MYH15: variants seen among roughly 807,000 people sequenced by gnomAD.
MYH15 encodes the protein myosin heavy chain 15, also known as myosin-15.
A neutral mutation model predicts 240.5 loss-of-function variants in MYH15; 227 were observed. The observed-to-expected ratio is 0.94, with a 90% CI of 0.85 to 1.05. MYH15 has a LOEUF of 1.05. MYH15 is among the 50% of genes least tolerant of loss of function. MYH15 has a pLI of 0.00. For synonymous variants in MYH15, 785 were observed against 796.7 expected, an observed-to-expected ratio of 0.99 and a Z score of 0.25; for missense variants, 2,217 against 2,247.5, an observed-to-expected ratio of 0.99 and a Z score of 0.27.
At chr3:108,429,339 A>T (rs1426487344) in intron 26 of MYH15, among the ~76,000 whole-genome samples, 1 of 152,232 alleles carries the variant, frequency 6.6e-6, no homozygotes, top group African/African-American at 2.4e-5. Context: ...AAGCAATTTA[A>T]TTGTAAGAAA....
the MYH15 span, among the ~76,000 whole-genome samples, chr3:108,547,745 A>G: frequency 6.6e-6 from 1 of 152,180 alleles, no homozygotes; most frequent in African/African-American, 2.4e-5. Flanking sequence ...AAAATGTTCA[A>G]TTTTCTACCT....
At chr3:108,493,719 A>G (rs1308906497) in intron 7 of MYH15, among the ~76,000 whole-genome samples, 5 of 152,192 alleles carry the variant, frequency 3.3e-5, no homozygotes, top group African/African-American at 9.7e-5. Flanking sequence ...AAAAGCCAAT[A>G]TCTTAGAATT....
rs1265973860 is a variant in MYH15 at position 108,398,639 on chromosome 3, G to T, written c.5131C>A (p.Gln1711Lys). 6.2e-7 allele frequency: 1 copy of T among 1,612,708 alleles called. No individual in the cohort carries two copies. Among genetic ancestry groups the T allele is most frequent in the Non-Finnish European group, 8.5e-7 (1 of 1,179,992 alleles). The change falls in exon 35 of 41, where the codon CAG becomes AAG. Residue 1711 changes from glutamine to lysine, a missense_variant and splice_region_variant. By Grantham distance (53) the Gln-to-Lys change is moderately conservative. Coordinates refer to ENST00000693548, the MANE Select transcript of MYH15 (RefSeq NM_014981.3). ...ATERINLFYT[Q>K]NTSLLSQKKK... ...TAGGGAGAGTATATGGGCCCCACCT[G>T]GGTATAGAAAAGATTGATTCTTTCT...
At position 108,428,486 on chromosome 3, in the gene MYH15, A is replaced by G. The variant is rs113330737; in HGVS notation, c.3702+6T>C. On this transcript the variant is annotated splice_donor_region_variant and intron_variant, in intron 27 of 40. Transcript: ENST00000693548. ...AAGACCACGAGGATGGCATGGGAGT[A>G]TCTACCTTAGCTCTTGTCATCTGCT... 3.8e-4 allele frequency: 615 copies of G among 1,601,670 alleles called. 8 individuals carry two copies. The African/African-American group carries it at 6.7e-3, about 17-fold the overall frequency.
chr3:108,395,244 G>A (rs2082451185), intron 35 of MYH15, among the ~76,000 whole-genome samples: 1 of 152,180 alleles, frequency 6.6e-6, no homozygotes, highest in Admixed American at 6.5e-5. Context: ...ACTCCAACCT[G>A]AGTGACAGAG....
Position 108,399,015 on chromosome 3 carries a change from G to A in MYH15, c.4929+60C>T. The A allele has an allele frequency of 2.0e-6, 3 of 1,537,730 alleles. No individual in the cohort carries two copies. The South Asian group carries it at 3.6e-5, about 18-fold the overall frequency. ...CTGAACACAATCTGTTGCTTAGTTT[G>A]CTTCCATAAGCAGAAACATTTTCCA... is the stretch of plus-strand genomic sequence containing the variant. On this transcript the variant is annotated intron_variant, in intron 34 of 40. Coordinates refer to ENST00000693548, the MANE Select transcript of MYH15 (RefSeq NM_014981.3).
Position 108,391,799 on chromosome 3 carries a change from C to G in MYH15, c.5391G>C (p.Leu1797=). 6.2e-7 allele frequency: 1 copy of G among 1,614,094 alleles called. No homozygotes were observed. Among genetic ancestry groups the G allele is most frequent in the Non-Finnish European group, 8.5e-7 (1 of 1,179,986 alleles). Reference sequence around the variant, plus strand: ...TCTGGATTTGCTTTCTACTCCCCATCAGGGCCATCTGTTCAGCTTCAGCCA... The same window carrying G: ...TCTGGATTTGCTTTCTACTCCCCATGAGGGCCATCTGTTCAGCTTCAGCCA... The part of the protein sequence containing the change: ...KRLAEAEQMA[L]MGSRKQIQKL... The change falls in exon 37 of 41, where the codon CTG becomes CTC. Residue 1797 remains leucine (L), a synonymous_variant. Coordinates refer to ENST00000693548, the MANE Select transcript of MYH15 (RefSeq NM_014981.3).
rs1010283459 is a variant in MYH15, at chr3:108,383,813, T to C, written c.5632-84A>G. On this transcript the variant is annotated intron_variant, in intron 39 of 40. Transcript: ENST00000693548. ...TTTTTCTGCTCTGACATGAGAAAGT[T>C]GAATAATGTGAAAAGAATCTAAACT... 1.8e-5 allele frequency: 20 copies of C among 1,082,016 alleles called. No homozygotes were observed. The African/African-American group carries it at 2.6e-4, about 14-fold the overall frequency. The allele number at this position is 1,082,016 out of a possible 1,614,324, so 67.0% of individuals were successfully genotyped here.
chr3:108,465,353 T>C (rs559652862), intron 14 of MYH15, among the ~76,000 whole-genome samples: 15 of 152,264 alleles, frequency 9.9e-5, no homozygotes, highest in Non-Finnish European at 1.8e-4. Context: ...CAGAGGCCAG[T>C]GTGGGCAGAG....
intron 32 of MYH15, among the ~76,000 whole-genome samples, chr3:108,407,280 C>T (rs1253659999): frequency 1.3e-5 from 2 of 152,180 alleles, no homozygotes; most frequent in Admixed American, 6.5e-5. Context: ...TGTTTTCCAT[C>T]GCCATACCTT....
chr3:108,413,159 A>T (rs2082607606), intron 30 of MYH15, among the ~76,000 whole-genome samples: 1 of 152,228 alleles, frequency 6.6e-6, no homozygotes, highest in Non-Finnish European at 1.5e-5. Flanking sequence ...GAAGGGGGAA[A>T]AATCTTACTT....
intron 11 of MYH15, among the ~76,000 whole-genome samples, 190 bp from the exon 12 acceptor site, chr3:108,476,705 C>T (rs942710102): frequency 6.6e-6 from 1 of 152,130 alleles, no homozygotes; most frequent in African/African-American, 2.4e-5. Flanking sequence ...CTTCGAAATA[C>T]AAGTCAAAGC....
intron 38 of MYH15, among the ~76,000 whole-genome samples, chr3:108,385,558 G>A (rs1283844161): frequency 6.6e-6 from 1 of 152,122 alleles, no homozygotes; most frequent in Non-Finnish European, 1.5e-5. Flanking sequence ...GTAGATAGGG[G>A]TCTGCCTGCC....
upstream of MYH15, among the ~76,000 whole-genome samples, chr3:108,530,557 C>A (rs1576285402): frequency 1.3e-5 from 2 of 152,090 alleles, no homozygotes; most frequent in South Asian, 4.2e-4. Context: ...AAGAGTGAAC[C>A]CTAATGTGAA....
intron 9 of MYH15, among the ~76,000 whole-genome samples, chr3:108,491,285 C>A (rs2083345497): frequency 1.3e-5 from 2 of 152,162 alleles, no homozygotes; most frequent in South Asian, 4.1e-4. Flanking sequence ...CCACTGTACC[C>A]CCTATGATTA....
At position 108,448,143 on chromosome 3, in the gene MYH15, A is replaced by G. The variant is rs545101760; in HGVS notation, c.2400-3248T>C. Among the ~76,000 whole-genome samples, 44 of 152,240 alleles carry G rather than the reference A, an allele frequency of 2.9e-4. 1 individual carries two copies. In the South Asian group the frequency reaches 9.1e-3, roughly 32 times the overall value. ...TCTAGTAAGTATTCAGAAGATAAAG[A>G]GAAAGGAATACCTAGCATTACAAAA... On this transcript the variant is annotated intron_variant, in intron 21 of 40. Transcript: ENST00000693548.
chr3:108,541,728 T>A, the MYH15 span, among the ~76,000 whole-genome samples: 1 of 152,120 alleles, frequency 6.6e-6, no homozygotes, highest in Non-Finnish European at 1.5e-5. Context: ...AATGTCTTCA[T>A]TATAGCCAAA....
chr3:108,502,364 A>T (rs544141714), intron 2 of MYH15, among the ~76,000 whole-genome samples: 2 of 152,138 alleles, frequency 1.3e-5, no homozygotes, highest in Non-Finnish European at 2.9e-5. Context: ...CATTTGTACT[A>T]TCTTTACATT....
intron 34 of MYH15, 60 bp from the exon 35 acceptor site, chr3:108,398,900 A>C: frequency 6.6e-7 from 1 of 1,521,736 alleles, no homozygotes; most frequent in Non-Finnish European, 9.1e-7. Flanking sequence ...TAGACTATGC[A>C]CCTACACATG....
Sources: gnomAD v4.1 joint callset for allele counts (sites outside exome capture counted in the v4.1 genomes callset) on GRCh38, gnomAD v4.1.1 for gene constraint, MANE v1.5 for transcripts, NCBI Gene and HGNC (gene_info 2026-07-23, HGNC 2026-07-21) for gene names.